The following CCDC171 variants were observed in gnomAD, a reference collection of about 807,000 sequenced individuals.
CCDC171 encodes coiled-coil domain-containing protein 171.
In CCDC171, 177 loss-of-function variants were observed where a neutral mutation model predicts 168.2. That is an observed-to-expected ratio of 1.05 (90% confidence interval 0.93 to 1.19). CCDC171 has a LOEUF of 1.19. Ranked by LOEUF, CCDC171 falls within the 50% of genes most tolerant of loss-of-function variation. The pLI, the probability that CCDC171 is intolerant of heterozygous loss-of-function variation, is 0.00. For synonymous variants in CCDC171, 687 were observed against 540.8 expected, an observed-to-expected ratio of 1.27 and a Z score of -3.75; for missense variants, 1,991 against 1,539.0, an observed-to-expected ratio of 1.29 and a Z score of -4.91.
At chr9:15,614,845 C>G (rs1228565103) in intron 6 of CCDC171, among the ~76,000 whole-genome samples, 1 of 152,094 alleles carries the variant, frequency 6.6e-6, no homozygotes, top group Non-Finnish European at 1.5e-5. Flanking sequence ...AGATATAATC[C>G]TTCCCCCTTC....
chr9:15,991,076 C>A (rs1228152291), intron 3 of CCDC171, among the ~76,000 whole-genome samples: 8 of 152,148 alleles, frequency 5.3e-5, no homozygotes, highest in African/African-American at 1.9e-4. Context: ...CCAAGCAGAC[C>A]TAATAGATAT....
intron 21 of CCDC171, among the ~76,000 whole-genome samples, chr9:15,802,653 A>G (rs2058882866): frequency 6.6e-6 from 1 of 152,148 alleles, no homozygotes; most frequent in African/African-American, 2.4e-5. Flanking sequence ...TATCCAGTCT[A>G]TCACTGATGG....
chr9:16,088,026 G>C, the CCDC171 span, among the ~76,000 whole-genome samples: 2 of 152,084 alleles, frequency 1.3e-5, no homozygotes, highest in Non-Finnish European at 2.9e-5. Context: ...TATCCACCAC[G>C]ATCAACTTGG....
chr9:15,895,055 T>TTTGAAA (rs1820731526), intron 24 of CCDC171, among the ~76,000 whole-genome samples: 1 of 152,054 alleles, frequency 6.6e-6, no homozygotes, highest in African/African-American at 2.4e-5. Flanking sequence ...AAGTAGGAGG[T>TTTGAAA]TTGAAATCAA....
chr9:15,623,625 G>A (rs949441898), intron 7 of CCDC171, among the ~76,000 whole-genome samples: 1 of 151,834 alleles, frequency 6.6e-6, no homozygotes, highest in African/African-American at 2.4e-5. Flanking sequence ...TTTTGTATCT[G>A]AGTATTTTCT....
At chr9:16,037,077 A>G (rs1393319900) in intron 8 of CCDC171, among the ~76,000 whole-genome samples, 2 of 152,244 alleles carry the variant, frequency 1.3e-5, no homozygotes, top group South Asian at 2.1e-4. Context: ...CTAATGTTCT[A>G]TAGCATTGTA....
At chr9:15,767,704 C>T (rs541341997) in intron 18 of CCDC171, among the ~76,000 whole-genome samples, 30 of 151,960 alleles carry the variant, frequency 2.0e-4, no homozygotes, top group African/African-American at 5.3e-4. Flanking sequence ...TCACTTCCTT[C>T]TTCCAGATTC....
At chr9:15,852,911 A>G (rs572247014) in intron 23 of CCDC171, among the ~76,000 whole-genome samples, 15 of 151,680 alleles carry the variant, frequency 9.9e-5, no homozygotes, top group African/African-American at 3.6e-4. Flanking sequence ...GTATAGGTTT[A>G]TTTCTGGACT....
chr9:16,070,504 C>T, the CCDC171 span, among the ~76,000 whole-genome samples: 1 of 152,188 alleles, frequency 6.6e-6, no homozygotes, highest in Non-Finnish European at 1.5e-5. Flanking sequence ...GGCCCAGCAA[C>T]AGTGGCTCTG....
chr9:16,025,038 A>G (rs1367878214), intron 6 of CCDC171, among the ~76,000 whole-genome samples: 1 of 152,204 alleles, frequency 6.6e-6, no homozygotes, highest in Admixed American at 6.5e-5. Context: ...GCCACTTTGG[A>G]AAACAGTTTG....
At chr9:16,068,105 A>G in the CCDC171 span, among the ~76,000 whole-genome samples, 2 of 149,146 alleles carry the variant, frequency 1.3e-5, no homozygotes, top group South Asian at 2.2e-4. Flanking sequence ...CAACTTCAGC[A>G]AAGTCTCAGG....
chr9:15,957,743 C>G (rs1469988085), intron 25 of CCDC171, among the ~76,000 whole-genome samples: 2 of 152,160 alleles, frequency 1.3e-5, no homozygotes, highest in Non-Finnish European at 2.9e-5. Flanking sequence ...GCATTTTCCT[C>G]TGATATAGAA....
At chr9:15,593,767 T>C (rs1288205281) in intron 5 of CCDC171, among the ~76,000 whole-genome samples, 2 of 152,004 alleles carry the variant, frequency 1.3e-5, no homozygotes, top group Non-Finnish European at 2.9e-5. Flanking sequence ...TAAACAGGTA[T>C]ATACAGCCTG....
intron 23 of CCDC171, among the ~76,000 whole-genome samples, chr9:15,849,809 A>G (rs972565898): frequency 3.3e-5 from 5 of 151,830 alleles, no homozygotes; most frequent in Non-Finnish European, 7.4e-5. Flanking sequence ...ATACCCTAAA[A>G]CTAACCTTTT....
intron 6 of CCDC171, among the ~76,000 whole-genome samples, chr9:15,621,522 C>A (rs756429713): frequency 6.6e-6 from 1 of 152,000 alleles, no homozygotes; most frequent in Non-Finnish European, 1.5e-5. Context: ...CATATATAGC[C>A]TGCTATAGAA....
At chr9:15,899,251 TTTG>T (rs1821319545) in intron 24 of CCDC171, among the ~76,000 whole-genome samples, 1 of 152,204 alleles carries the variant, frequency 6.6e-6, no homozygotes, top group South Asian at 2.1e-4. Flanking sequence ...TGAAGGATAT[TTTG>T]TTGTTTCTGG....
chr9:15,978,377 A>C (rs944507057), downstream of CCDC171, among the ~76,000 whole-genome samples: 2 of 152,314 alleles, frequency 1.3e-5, no homozygotes, highest in Non-Finnish European at 2.9e-5. Context: ...CCAAGAGGGC[A>C]CAAACTACAT....
At chr9:15,782,787 G>T (rs1029151514) in intron 20 of CCDC171, among the ~76,000 whole-genome samples, 26 of 152,288 alleles carry the variant, frequency 1.7e-4, no homozygotes, top group Middle Eastern at 3.4e-3. Flanking sequence ...TGAGGGTTTG[G>T]TTGTAATAGC....
intron 3 of CCDC171, among the ~76,000 whole-genome samples, chr9:15,992,915 T>C (rs201614951): frequency 6.6e-6 from 1 of 151,958 alleles, no homozygotes; most frequent in Non-Finnish European, 1.5e-5. Context: ...TCATGGAGAA[T>C]TACAAACCAC....
Sources: gnomAD v4.1 joint callset for allele counts (sites outside exome capture counted in the v4.1 genomes callset) on GRCh38, gnomAD v4.1.1 for gene constraint, MANE v1.5 for transcripts, NCBI Gene and HGNC (gene_info 2026-07-23, HGNC 2026-07-21) for gene names.